The following TCF19 variants were observed in gnomAD, a reference collection of about 807,000 sequenced individuals.
TCF19 encodes transcription factor SC1.
TCF19 carries 9 observed loss-of-function variants against 18.3 expected under a neutral mutation model. The observed-to-expected ratio is 0.49, with a 90% CI of 0.30 to 0.86. The LOEUF is 0.86. Among genes scored for constraint, TCF19 ranks in the 40% least tolerant of loss-of-function variants. The pLI is 0.07. For synonymous variants in TCF19, 176 were observed against 185.3 expected (o/e 0.95, Z 0.41); for missense variants, 376 against 464.3 (o/e 0.81, Z 1.75).
At position 31,161,779 on chromosome 6, in the gene TCF19, A is replaced by C; in HGVS notation, c.571A>C (p.Thr191Pro). The C allele has an allele frequency of 6.2e-7, 1 of 1,606,330 alleles. No homozygotes were observed. Among genetic ancestry groups the C allele is most frequent in the Non-Finnish European group, 8.5e-7 (1 of 1,176,274 alleles). ...SLSKLRPQPLTFSPSWGGPKS... is the reference protein window; with the variant it reads ...SLSKLRPQPLPFSPSWGGPKS... ...CAGCAAGCTCCGGCCCCAGCCCCTCACCTTCTCCCCTAGTTGGGGTGGACC... is the reference window on the plus strand; with the variant it reads ...CAGCAAGCTCCGGCCCCAGCCCCTCCCCTTCTCCCCTAGTTGGGGTGGACC... Residue 191 changes from threonine (T) to proline (P), a missense_variant, in exon 3 of 4, where the codon ACC becomes CCC. Physicochemically the swap from Thr to Pro is conservative, Grantham distance 38. Transcript: ENST00000376257.
chr6:31,159,260 C>T lies in TCF19; in HGVS notation c.-210C>T, dbSNP rs17190769. 26,537 of 520,660 alleles carry T rather than the reference C, an allele frequency of 0.051. 914 individuals are homozygous for T. Among genetic ancestry groups the T allele is most frequent in the East Asian group, 0.09 (2,877 of 31,940 alleles). 32.3% of individuals were successfully genotyped at this position (520,660 alleles called of 1,614,324 possible). On this transcript the variant is annotated 5_prime_UTR_variant, in exon 2 of 4. Transcript: ENST00000376257. ...TTCCTGGAATTTTTCATTTGCAAGTCGGCTTAACCAATTTTGCATTGAGTC... is the reference window on the plus strand; with the variant it reads ...TTCCTGGAATTTTTCATTTGCAAGTTGGCTTAACCAATTTTGCATTGAGTC...
Position 31,162,560 on chromosome 6 carries a change from C to T in TCF19, c.881C>T (p.Ala294Val). The T allele has an allele frequency of 6.2e-7, 1 of 1,612,952 alleles. No individual in the cohort carries two copies. Among genetic ancestry groups the T allele is most frequent in the Non-Finnish European group, 8.5e-7 (1 of 1,180,016 alleles). Residue 294 changes from alanine to valine, a missense_variant, in exon 4 of 4, where the codon GCT (alanine) becomes GTT (valine). Transcript: ENST00000376257. The surrounding 1 kb of genome is among the most constrained non-coding windows in gnomAD (Gnocchi z 4.5). ...GTTGGGGGCGGGGAGCCCTGTGCAG[C>T]TCCTTGTTGCTGCCTGCCCCAGGAA... Reference protein sequence around the residue: ...PAVGGGEPCAAPCCCLPQEET... With the variant: ...PAVGGGEPCAVPCCCLPQEET...
rs747527800 is a variant in TCF19 at position 31,159,727 on chromosome 6, G to A, written c.238+20G>A. On this transcript the variant is annotated intron_variant, in intron 2 of 3. Coordinates refer to ENST00000376257, the MANE Select transcript of TCF19 (RefSeq NM_007109.3). ...GCCAAGGTGAGCATTAAGCAGGGCAGCTTTGCCCCTGGGTGGTTGAAGCGC... is the reference window on the plus strand; with the variant it reads ...GCCAAGGTGAGCATTAAGCAGGGCAACTTTGCCCCTGGGTGGTTGAAGCGC... 3.1e-6 allele frequency: 5 copies of A among 1,612,692 alleles called. No homozygotes were observed. Among genetic ancestry groups the A allele is most frequent in the Non-Finnish European group, 4.2e-6 (5 of 1,179,008 alleles).
At position 31,159,506 on chromosome 6, in the gene TCF19, G is replaced by T. The variant is rs773710749; in HGVS notation, c.37G>T (p.Gly13Cys). 5.7e-6 allele frequency: 9 copies of T among 1,591,420 alleles called. No individual in the cohort carries two copies. The highest frequency in any genetic ancestry group is 3.5e-5 in the Admixed American group (2 of 56,784). ...CTTCCAACTGCTGCGCATAGGGGGC[G>T]GCAGGGGCGGTGATCTCTACACCTT... ...PCFQLLRIGG[G>C]RGGDLYTFHP... Residue 13 changes from glycine to cysteine, a missense_variant, in exon 2 of 4, where the codon GGC becomes TGC. Gly to Cys is a radical substitution (Grantham distance 159). Transcript: ENST00000376257.
Position 31,159,040 on chromosome 6 carries a change from T to G in TCF19, c.-430T>G. The G allele has an allele frequency of 5.3e-6, 1 of 188,382 alleles. No homozygotes were observed. The highest frequency in any genetic ancestry group is 1.1e-5 in the Non-Finnish European group (1 of 91,388). 11.7% of individuals were successfully genotyped at this position (188,382 alleles called of 1,614,324 possible). A position where few individuals can be genotyped will look rare whatever the true frequency, so the allele number is the denominator to read the frequency against. On this transcript the variant is annotated 5_prime_UTR_variant, in exon 2 of 4. An upstream start codon of the reference 5' UTR is lost. Coordinates refer to ENST00000376257, the MANE Select transcript of TCF19 (RefSeq NM_007109.3). ...TCTTCTCCGAATTACACAGAGGTGA[T>G]GTGTTCGTATTGCACGTAGACGTGT... is the stretch of plus-strand genomic sequence containing the variant.
Position 31,159,494 on chromosome 6 carries a change from CG to C in TCF19, c.26del (p.Arg9ProfsTer2). ...CATGCTGCCCTGCTTCCAACTGCTG[CG>C]CATAGGGGGCGGCAGGGGCGGTGAT... MLPCFQLL[R>X]IGGGRGGDLY... On this transcript the variant is annotated frameshift_variant, in exon 2 of 4. Transcript: ENST00000376257. LOFTEE classifies it high-confidence loss of function. 6.3e-7 allele frequency: 1 copy of C among 1,582,986 alleles called. No individual in the cohort carries two copies. Among genetic ancestry groups the C allele is most frequent in the East Asian group, 2.3e-5 (1 of 43,410 alleles).
At chr6:31,161,211 T>G (rs779127025) in intron 2 of TCF19, among the ~76,000 whole-genome samples, 36 of 150,732 alleles carry the variant, frequency 2.4e-4, no homozygotes, top group Non-Finnish European at 4.6e-4. Flanking sequence ...AATTGGACCT[T>G]AGGACAGTGA....
In TCF19 at chr6:31,162,905, G is replaced by T. The variant is rs1315763947; in HGVS notation, c.*188G>T. 7 of 1,404,718 alleles carry T rather than the reference G, an allele frequency of 5.0e-6. No homozygotes were observed. The African/African-American group carries it at 8.7e-5, about 17-fold the overall frequency. 87.0% of individuals were successfully genotyped at this position (1,404,718 alleles called of 1,614,324 possible). On this transcript the variant is annotated 3_prime_UTR_variant, in exon 4 of 4. Transcript: ENST00000376257. This position sits in a 1 kb window ranked among gnomAD's most constrained non-coding sequence, Gnocchi z 4.5. ...CCTGGTGGCCAAGACAGAAGAGATG[G>T]TTTCCTGCCAAAGATATTGCCACCT... is the stretch of plus-strand genomic sequence containing the variant.
Position 31,161,962 on chromosome 6 carries a change from A to G in TCF19, c.754A>G (p.Arg252Gly), listed in dbSNP as rs541001159. ...ENPPPVLMEP[R>G]KKLRVDKAPL... The stretch of plus-strand genomic sequence containing the variant: ...CCCGCCACCGGTCCTTATGGAGCCC[A>G]GGAAGAAACTCCGTGTAGACAAAGC... Residue 252 changes from arginine to glycine, a missense_variant, in exon 3 of 4, where the codon AGG becomes GGG. Coordinates refer to ENST00000376257, the MANE Select transcript of TCF19 (RefSeq NM_007109.3). 3.5e-5 allele frequency: 56 copies of G among 1,612,794 alleles called. No homozygotes were observed. In the East Asian group the frequency reaches 9.6e-4, roughly 28 times the overall value.
Position 31,162,378 on chromosome 6 carries a change from CCT to C in TCF19, c.798-96_798-95del. On this transcript the variant is annotated intron_variant, in intron 3 of 3. Transcript: ENST00000376257. The surrounding 1 kb of genome is among the most constrained non-coding windows in gnomAD (Gnocchi z 4.5). Reference sequence around the variant, plus strand: ...TCACCTTAGTTCTCAGACCACTGTGCCTCTGTGGCCTCACCCTATGACCAGCC... The same window carrying C: ...TCACCTTAGTTCTCAGACCACTGTGCCTGTGGCCTCACCCTATGACCAGCC... 6.8e-7 allele frequency: 1 copy of C among 1,477,554 alleles called. No homozygotes were observed. Among genetic ancestry groups the C allele is most frequent in the Non-Finnish European group, 9.1e-7 (1 of 1,100,076 alleles). The allele number at this position is 1,477,554 out of a possible 1,614,324, so 91.5% of individuals were successfully genotyped here.
chr6:31,162,145 C>A lies in TCF19; in HGVS notation c.797+140C>A. On this transcript the variant is annotated intron_variant, in intron 3 of 3. Transcript: ENST00000376257. This position sits in a 1 kb window ranked among gnomAD's most constrained non-coding sequence, Gnocchi z 4.5. Reference sequence around the variant, plus strand: ...GATGGAATGGCAAGACCTGGGTTAGCTCTGATAGGAAAAGAAAAATATGTG... The same window carrying A: ...GATGGAATGGCAAGACCTGGGTTAGATCTGATAGGAAAAGAAAAATATGTG... The A allele has an allele frequency of 2.0e-6, 2 of 1,019,388 alleles. No homozygotes were observed. The highest frequency in any genetic ancestry group is 2.8e-6 in the Non-Finnish European group (2 of 721,400). The allele number at this position is 1,019,388 out of a possible 1,614,324, so 63.1% of individuals were successfully genotyped here.
chr6:31,162,403 G>A lies in TCF19; in HGVS notation c.798-74G>A, dbSNP rs1196428499. 5 of 1,537,946 alleles carry A rather than the reference G, an allele frequency of 3.3e-6. No individual in the cohort carries two copies. Among genetic ancestry groups the A allele is most frequent in the Non-Finnish European group, 4.4e-6 (5 of 1,142,632 alleles). ...CCTCTGTGGCCTCACCCTATGACCA[G>A]CCATAGGGTGGCAAGGTCTAGGCCT... is the stretch of plus-strand genomic sequence containing the variant. On this transcript the variant is annotated intron_variant, in intron 3 of 3. Transcript: ENST00000376257. This position sits in a 1 kb window ranked among gnomAD's most constrained non-coding sequence, Gnocchi z 4.5.
intron 2 of TCF19, among the ~76,000 whole-genome samples, chr6:31,160,842 G>A (rs916720443): frequency 2.0e-5 from 3 of 150,724 alleles, no homozygotes; most frequent in African/African-American, 7.3e-5. Context: ...CTGGAGCTGG[G>A]GGAGAGTGAG....
chr6:31,159,751 G>A (rs886605845), intron 2 of TCF19, 44 bp downstream of exon 2: 3 of 1,600,684 alleles, frequency 1.9e-6, no homozygotes, highest in African/African-American at 1.3e-5. Context: ...TGGTTGAAGC[G>A]CCAGGCTGGA....
rs1776565919 is a variant in TCF19 at position 31,159,311 on chromosome 6, G to A, written c.-159G>A. On this transcript the variant is annotated 5_prime_UTR_variant, in exon 2 of 4. Coordinates refer to ENST00000376257, the MANE Select transcript of TCF19 (RefSeq NM_007109.3). ...CTAGGCTGCTTGCACTCTGAATTTG[G>A]GCTATTCAGGTAGTGTGCTCAAAGT... 2.9e-6 allele frequency: 2 copies of A among 683,978 alleles called. No individual in the cohort carries two copies. The highest frequency in any genetic ancestry group is 5.0e-6 in the Non-Finnish European group (2 of 403,720). The allele number at this position is 683,978 out of a possible 1,614,324, so 42.4% of individuals were successfully genotyped here.
In TCF19 at chr6:31,161,893, C is replaced by G; in HGVS notation, c.685C>G (p.Arg229Gly). 1 of 1,612,982 alleles carries G rather than the reference C, an allele frequency of 6.2e-7. No homozygotes were observed. Among genetic ancestry groups the G allele is most frequent in the East Asian group, 2.2e-5 (1 of 44,882 alleles). Reference protein sequence around the residue: ...PQRNRRKSVHRVLAELDDESE... With the variant: ...PQRNRRKSVHGVLAELDDESE... ...ACGCAATCGGAGGAAATCTGTTCAC[C>G]GAGTGTTGGCGGAACTGGATGATGA... is the stretch of plus-strand genomic sequence containing the variant. Residue 229 changes from arginine (R) to glycine (G), a missense_variant, in exon 3 of 4, where the codon CGA becomes GGA. Transcript: ENST00000376257.
chr6:31,158,754 GA>G, intron 1 of TCF19, 32 bp downstream of exon 1: 1 of 152,432 alleles, frequency 6.6e-6, no homozygotes, highest in Non-Finnish European at 1.5e-5. Context: ...GGCGGAGTGG[GA>G]AAAGGCCGGG....
rs762122829 is a variant in TCF19 at position 31,162,513 on chromosome 6, C to T, written c.834C>T (p.Ser278=). The T allele has an allele frequency of 6.2e-6, 10 of 1,612,260 alleles. No individual in the cohort carries two copies. The highest frequency in any genetic ancestry group is 4.5e-5 in the East Asian group (2 of 44,868). ...GCCGTCCTCGGAAGTACCCAGTGAG[C>T]GCTCCCATGGCTCCCCCTGCAGTTG... ...RRGRPRKYPV[S]APMAPPAVGG... The change falls in exon 4 of 4, where the codon AGC becomes AGT. Residue 278 remains serine (S), a synonymous_variant. Transcript: ENST00000376257. The surrounding 1 kb of genome is among the most constrained non-coding windows in gnomAD (Gnocchi z 4.5).
In TCF19 at chr6:31,161,616, C is replaced by A; in HGVS notation, c.408C>A (p.Ile136=). 3.2e-6 allele frequency: 5 copies of A among 1,571,076 alleles called. No individual in the cohort carries two copies. The highest frequency in any genetic ancestry group is 4.3e-6 in the Non-Finnish European group (5 of 1,160,782). The change falls in exon 3 of 4, where the codon ATC becomes ATA. Residue 136 remains isoleucine (I), a synonymous_variant. Transcript: ENST00000376257. Reference sequence around the variant, plus strand: ...CTCAGGACTTTGCTGCCATTACCATCCCACGGTCTAGGGGAGAAGCCCGGG... The same window carrying A: ...CTCAGGACTTTGCTGCCATTACCATACCACGGTCTAGGGGAGAAGCCCGGG... ...VKPQDFAAIT[I]PRSRGEARVG...
Sources: allele counts gnomAD v4.1 joint callset (sites outside exome capture counted in the v4.1 genomes callset), GRCh38; gene constraint gnomAD v4.1.1; non-coding constraint Gnocchi (gnomAD v3.1); transcripts MANE v1.5; gene names NCBI Gene and HGNC (gene_info 2026-07-23, HGNC 2026-07-21).